The following EYA4 variants were observed in gnomAD, a reference collection of about 807,000 sequenced individuals.
EYA4 encodes the protein protein phosphatase EYA4.
EYA4 carries 31 observed loss-of-function variants against 87.9 expected under a neutral mutation model. The ratio of observed to expected loss-of-function variants is 0.35; its 90% confidence interval spans 0.27 to 0.48. The LOEUF (loss-of-function observed/expected upper bound fraction) is 0.48, where lower values mean the gene tolerates loss of function less well. Among genes scored for constraint, EYA4 ranks in the 20% least tolerant of loss-of-function variants. EYA4 has a pLI of 0.99. For synonymous variants in EYA4, 263 were observed against 270.6 expected (o/e 0.97, Z 0.28); for missense variants, 678 against 761.4 (o/e 0.89, Z 1.29).
At chr6:133,321,882 G>A (rs1393264642) in intron 2 of EYA4, among the ~76,000 whole-genome samples, 1 of 152,126 alleles carries the variant, frequency 6.6e-6, no homozygotes, top group African/African-American at 2.4e-5. Flanking sequence ...ATGGTCTCAG[G>A]AGCCAGATTC....
chr6:133,529,694 A>G lies in EYA4; in HGVS notation c.*889A>G, dbSNP rs1340982286. ...TTCATTTGGGTTCTTAATAATTCCAATAATTGTATGAGGCAACTATTTGCG... is the reference window on the plus strand; with the variant it reads ...TTCATTTGGGTTCTTAATAATTCCAGTAATTGTATGAGGCAACTATTTGCG... On this transcript the variant is annotated 3_prime_UTR_variant, in exon 20 of 20. Transcript: ENST00000355286. The G allele has an allele frequency of 1.2e-5, 12 of 985,102 alleles. No homozygotes were observed. Among genetic ancestry groups the G allele is most frequent in the Non-Finnish European group, 1.4e-5 (12 of 829,630 alleles). The allele number at this position is 985,102 out of a possible 1,614,324, so 61.0% of individuals were successfully genotyped here. A position where few individuals can be genotyped will look rare whatever the true frequency, so the allele number is the denominator to read the frequency against.
At position 133,446,635 on chromosome 6, in the gene EYA4, T is replaced by A. The variant is rs1554259054; in HGVS notation, c.89T>A (p.Met30Lys). ...GCTGCTTACTGCTCTACCAGGTCTATGGAAATGCAGGACCTAGCAAGTCCT... is the reference window on the plus strand; with the variant it reads ...GCTGCTTACTGCTCTACCAGGTCTAAGGAAATGCAGGACCTAGCAAGTCCT... ...DVSQSQNSRS[M>K]EMQDLASPHT... The change falls in exon 4 of 20, where the codon ATG (methionine) becomes AAG (lysine). Residue 30 changes from methionine (M) to lysine (K), a missense_variant. Coordinates refer to ENST00000355286, the MANE Select transcript of EYA4 (RefSeq NM_004100.5). 5.6e-6 allele frequency: 9 copies of A among 1,613,992 alleles called. No individual in the cohort carries two copies. Among genetic ancestry groups the A allele is most frequent in the Middle Eastern group, 1.7e-4 (1 of 6,060 alleles).
intron 2 of EYA4, among the ~76,000 whole-genome samples, chr6:133,318,858 C>G (rs2128348627): frequency 6.6e-6 from 1 of 152,250 alleles, no homozygotes; most frequent in East Asian, 1.9e-4. Context: ...CTTCCACTTC[C>G]TTTGTACTAT....
intron 1 of EYA4, among the ~76,000 whole-genome samples, chr6:133,244,801 T>G: frequency 6.6e-6 from 1 of 152,122 alleles, no homozygotes; most frequent in Admixed American, 6.5e-5. Context: ...AAAAATATAT[T>G]TATATGGCTT....
chr6:133,520,463 A>C (rs10782251), intron 17 of EYA4, among the ~76,000 whole-genome samples: 25,177 of 93,816 alleles, frequency 0.27, 2,624 homozygotes, highest in East Asian at 0.52. Context: ...GAACTACAAA[A>C]CACTGCTCAA....
intron 1 of EYA4, among the ~76,000 whole-genome samples, chr6:133,244,499 T>G (rs1050704537): frequency 1.3e-5 from 2 of 151,990 alleles, no homozygotes; most frequent in Non-Finnish European, 2.9e-5. Flanking sequence ...GATGCTGAAT[T>G]TCAGAGGGTT....
At chr6:133,526,926 T>C (rs1321148896) in intron 19 of EYA4, among the ~76,000 whole-genome samples, 1 of 152,188 alleles carries the variant, frequency 6.6e-6, no homozygotes, top group Non-Finnish European at 1.5e-5. Flanking sequence ...AGGACTAATA[T>C]AATTCAGTTT....
At chr6:133,402,605 A>C (rs1487004598) in intron 3 of EYA4, among the ~76,000 whole-genome samples, 1 of 152,130 alleles carries the variant, frequency 6.6e-6, no homozygotes. Flanking sequence ...TTCCCTGAGC[A>C]AATTCATTTT....
intron 3 of EYA4, among the ~76,000 whole-genome samples, chr6:133,418,446 G>T (rs1320292927): frequency 6.6e-6 from 1 of 152,172 alleles, no homozygotes; most frequent in African/African-American, 2.4e-5. Context: ...CAAAAACATT[G>T]TTGAATGCAT....
chr6:133,316,610 G>C (rs1473840420), intron 2 of EYA4, among the ~76,000 whole-genome samples: 1 of 151,976 alleles, frequency 6.6e-6, no homozygotes, highest in Non-Finnish European at 1.5e-5. Context: ...TCCATTAATT[G>C]ACTACGCTAC....
In EYA4 at chr6:133,306,481, C is replaced by T. The variant is rs1192027495; in HGVS notation, c.33+31668C>T. On this transcript the variant is annotated intron_variant, in intron 2 of 19. Coordinates refer to ENST00000355286, the MANE Select transcript of EYA4 (RefSeq NM_004100.5). ...GCCTTAATTTGATCAGCTGTTTTTC[C>T]AGATGAAAAGTGTATTCTCCAAGGG... Among the ~76,000 whole-genome samples, 3 of 152,102 alleles carry T rather than the reference C, an allele frequency of 2.0e-5. No homozygotes were observed. In the South Asian group the frequency reaches 6.2e-4, roughly 32 times the overall value.
intron 3 of EYA4, among the ~76,000 whole-genome samples, chr6:133,440,291 A>T (rs949165821): frequency 7.2e-5 from 11 of 152,204 alleles, no homozygotes; most frequent in Admixed American, 7.2e-4. Flanking sequence ...CACATATTTG[A>T]GGTGCTTACT....
At chr6:133,366,108 G>T (rs1323650300) in intron 2 of EYA4, among the ~76,000 whole-genome samples, 2 of 152,158 alleles carry the variant, frequency 1.3e-5, no homozygotes, top group African/African-American at 4.8e-5. Context: ...TAGAGAAGTG[G>T]CTGAAGAGAT....
At chr6:133,350,407 T>C (rs1014288918) in intron 2 of EYA4, among the ~76,000 whole-genome samples, 17 of 152,074 alleles carry the variant, frequency 1.1e-4, no homozygotes, top group Non-Finnish European at 2.4e-4. Context: ...GGGTTAGGTG[T>C]TGGCTAGTTT....
At chr6:133,448,663 A>G (rs551222042) in intron 5 of EYA4, among the ~76,000 whole-genome samples, 35 of 152,320 alleles carry the variant, frequency 2.3e-4, no homozygotes, top group African/African-American at 8.2e-4. Context: ...TTAATAATCA[A>G]TATCCCCTCA....
chr6:133,387,419 T>C (rs1786847070), intron 3 of EYA4, among the ~76,000 whole-genome samples: 1 of 152,320 alleles, frequency 6.6e-6, no homozygotes, highest in South Asian at 2.1e-4. Flanking sequence ...CTCCAAGAAG[T>C]ACCAAAAATC....
At chr6:133,276,577 T>C (rs956351338) in intron 2 of EYA4, among the ~76,000 whole-genome samples, 10 of 152,228 alleles carry the variant, frequency 6.6e-5, no homozygotes, top group African/African-American at 2.4e-4. Flanking sequence ...TATTTCTTTT[T>C]AAAGTATGTT....
chr6:133,457,086 A>C lies in EYA4; in HGVS notation c.370+438A>C, dbSNP rs561399375. On this transcript the variant is annotated intron_variant, in intron 6 of 19. Transcript: ENST00000355286. ...AACCTTGTTTCCTCTCTGGGTTTAAAAAACTCCTCCTGTGTAAGCAGCTGA... is the reference window on the plus strand; with the variant it reads ...AACCTTGTTTCCTCTCTGGGTTTAACAAACTCCTCCTGTGTAAGCAGCTGA... Among the ~76,000 whole-genome samples, 233 of 152,196 alleles carry C rather than the reference A, an allele frequency of 1.5e-3. 1 individual carries two copies. Among genetic ancestry groups the C allele is most frequent in the African/African-American group, 5.4e-3 (223 of 41,526 alleles).
intron 13 of EYA4, among the ~76,000 whole-genome samples, chr6:133,492,030 A>G (rs1040222753): frequency 6.6e-6 from 1 of 151,854 alleles, no homozygotes; most frequent in Non-Finnish European, 1.5e-5. Context: ...TTTTCCAAAC[A>G]TTTAAGGAAG....
Sources: allele counts gnomAD v4.1 joint callset (sites outside exome capture counted in the v4.1 genomes callset), GRCh38; gene constraint gnomAD v4.1.1; transcripts MANE v1.5; gene names NCBI Gene and HGNC (gene_info 2026-07-23, HGNC 2026-07-21).